The following HAPLN1 variants were observed in gnomAD, a reference collection of about 807,000 sequenced individuals.
HAPLN1 encodes Cartilage link protein.
Under a neutral mutation model 36.5 loss-of-function variants are expected in HAPLN1, and 13 were observed. The observed-to-expected ratio is 0.36, with a 90% CI of 0.23 to 0.57. HAPLN1 has a LOEUF of 0.57. Ranked by LOEUF, HAPLN1 falls within the 20% of genes least tolerant of loss-of-function variation. HAPLN1 has a pLI of 0.83. For synonymous variants in HAPLN1, 202 were observed against 169.8 expected (o/e 1.19, Z -1.48); for missense variants, 407 against 439.7 (o/e 0.93, Z 0.66).
chr5:83,702,956 C>T (rs1486894434), intron 1 of HAPLN1, among the ~76,000 whole-genome samples: 1 of 152,160 alleles, frequency 6.6e-6, no homozygotes, highest in Non-Finnish European at 1.5e-5. Flanking sequence ...AAGAGATATG[C>T]CTGCTTCAGC....
Position 83,701,791 on chromosome 5 carries a change from T to C in HAPLN1, c.-27+18998A>G, listed in dbSNP as rs1210429990. The stretch of plus-strand genomic sequence containing the variant: ...CGTCTCTACTAAAAGTACAAAAAAT[T>C]AGCCAGATGCAGTGGTCCCAGCTGC... On this transcript the variant is annotated intron_variant, in intron 1 of 4. Coordinates refer to ENST00000274341, the MANE Select transcript of HAPLN1 (RefSeq NM_001884.4). Among the ~76,000 whole-genome samples the C allele has an allele frequency of 4.6e-5, 7 of 152,006 alleles. No individual in the cohort carries two copies. The East Asian group carries it at 7.8e-4, about 17-fold the overall frequency.
chr5:83,680,658 C>T (rs900102185), intron 1 of HAPLN1, among the ~76,000 whole-genome samples: 1 of 152,114 alleles, frequency 6.6e-6, no homozygotes, highest in Non-Finnish European at 1.5e-5. Context: ...AACGTCTTAT[C>T]TTCCCCTGTG....
intron 1 of HAPLN1, among the ~76,000 whole-genome samples, chr5:83,680,406 A>C (rs1750971248): frequency 6.6e-6 from 1 of 152,200 alleles, no homozygotes; most frequent in Non-Finnish European, 1.5e-5. Context: ...TGCAGGGACC[A>C]CATATTTCTT....
intron 2 of HAPLN1, among the ~76,000 whole-genome samples, chr5:83,657,513 C>G (rs1029249935): frequency 7.2e-5 from 11 of 152,120 alleles, no homozygotes; most frequent in Admixed American, 2.0e-4. Context: ...TGGAGAAAGA[C>G]AGGGATGATC....
At chr5:83,659,775 C>T (rs764950256) in intron 2 of HAPLN1, among the ~76,000 whole-genome samples, 2 of 152,034 alleles carry the variant, frequency 1.3e-5, no homozygotes, top group African/African-American at 2.4e-5. Context: ...GTATTTAAAA[C>T]ACGAAATACA....
Position 83,644,396 on chromosome 5 carries a change from A to C in HAPLN1, c.742T>G (p.Tyr248Asp), listed in dbSNP as rs372431359. Residue 248 changes from tyrosine (Y) to aspartate (D), a missense_variant, in exon 4 of 5, where the codon TAT (tyrosine) becomes GAT (aspartate). Coordinates refer to ENST00000274341, the MANE Select transcript of HAPLN1 (RefSeq NM_001884.4). ...YGFWDKDKSR[Y>D]DVFCFTSNFN... ...TTGGATGTAAAACAGAAAACATCAT[A>C]TCTGCTTTTATCTTTATCCCAAAAT... The C allele has an allele frequency of 1.2e-5, 19 of 1,589,256 alleles. No homozygotes were observed. Among genetic ancestry groups the C allele is most frequent in the Non-Finnish European group, 1.5e-5 (18 of 1,170,284 alleles).
intron 1 of HAPLN1, 40 bp downstream of exon 1, chr5:83,720,749 G>T (rs1302466780): frequency 1.3e-5 from 2 of 152,136 alleles, no homozygotes; most frequent in Non-Finnish European, 2.9e-5. Flanking sequence ...AAGGCACAAA[G>T]GTATAACCAA....
Position 83,661,435 on chromosome 5 carries a change from C to CTTTTTTTTTTT in HAPLN1, c.101-8622_101-8612dup, listed in dbSNP as rs56005008. Among the ~76,000 whole-genome samples, 34 of 62,978 alleles carry CTTTTTTTTTTT rather than the reference C, an allele frequency of 5.4e-4. 5 individuals carry two copies. Among genetic ancestry groups the CTTTTTTTTTTT allele is most frequent in the African/African-American group, 2.2e-3 (32 of 14,852 alleles). The allele number at this position is 62,978 out of a possible 152,430, so 41.3% of individuals were successfully genotyped here. On this transcript the variant is annotated intron_variant, in intron 2 of 4. Coordinates refer to ENST00000274341, the MANE Select transcript of HAPLN1 (RefSeq NM_001884.4). ...CAATGGTGGTCTGTGAGAAAAGCTT[C>CTTTTTTTTTTT]TTTTTTTTTTTTTTTTTTTTTTTTT...
intron 3 of HAPLN1, among the ~76,000 whole-genome samples, chr5:83,650,432 T>TG (rs11437789): frequency 0.66 from 100,637 of 151,922 alleles, 34,456 homozygotes; most frequent in African/African-American, 0.84. Flanking sequence ...GATTGTTGAA[T>TG]GAAAGAGCAA....
intron 1 of HAPLN1, among the ~76,000 whole-genome samples, chr5:83,690,678 G>A (rs1422586972): frequency 6.6e-6 from 1 of 151,676 alleles, no homozygotes; most frequent in Non-Finnish European, 1.5e-5. Flanking sequence ...GCTAATTTAT[G>A]AATTTGCGCA....
chr5:83,660,874 A>G (rs914627531), intron 2 of HAPLN1, among the ~76,000 whole-genome samples: 1 of 152,186 alleles, frequency 6.6e-6, no homozygotes, highest in African/African-American at 2.4e-5. Flanking sequence ...TAAAGGAAGT[A>G]ATTCACATTG....
chr5:83,714,325 A>G (rs1223795702), intron 1 of HAPLN1, among the ~76,000 whole-genome samples: 1 of 152,220 alleles, frequency 6.6e-6, no homozygotes, highest in Non-Finnish European at 1.5e-5. Context: ...AGCTTACAAG[A>G]GCACCAAACG....
chr5:83,684,242 G>A (rs749057046), intron 1 of HAPLN1, among the ~76,000 whole-genome samples: 1 of 152,054 alleles, frequency 6.6e-6, no homozygotes, highest in Non-Finnish European at 1.5e-5. Context: ...TATGTACTGT[G>A]CCAAATGAAG....
At chr5:83,669,117 T>G (rs1048300285) in intron 2 of HAPLN1, among the ~76,000 whole-genome samples, 1 of 152,228 alleles carries the variant, frequency 6.6e-6, no homozygotes, top group Admixed American at 6.5e-5. Flanking sequence ...GGATCTGTGC[T>G]CACATAGTAA....
intron 1 of HAPLN1, among the ~76,000 whole-genome samples, chr5:83,702,691 C>A (rs900405033): frequency 2.6e-5 from 4 of 152,174 alleles, no homozygotes; most frequent in African/African-American, 4.8e-5. Context: ...TGTCTAGTGT[C>A]TTTTGTTTCT....
At chr5:83,660,919 C>T (rs570424728) in intron 2 of HAPLN1, among the ~76,000 whole-genome samples, 1 of 152,192 alleles carries the variant, frequency 6.6e-6, no homozygotes, top group East Asian at 1.9e-4. Flanking sequence ...ATAGTGAGTG[C>T]CCAGCTGGTG....
At chr5:83,690,757 A>G (rs2112619663) in intron 1 of HAPLN1, among the ~76,000 whole-genome samples, 1 of 152,164 alleles carries the variant, frequency 6.6e-6, no homozygotes, top group Admixed American at 6.6e-5. Context: ...AGACATTGAA[A>G]ACTATTTATA....
intron 2 of HAPLN1, among the ~76,000 whole-genome samples, chr5:83,667,407 C>T (rs1039838042): frequency 6.6e-6 from 1 of 151,798 alleles, no homozygotes; most frequent in African/African-American, 2.4e-5. Context: ...TTTATAATTC[C>T]ACGATGGAAT....
chr5:83,696,219 C>T (rs1751386483), intron 1 of HAPLN1, among the ~76,000 whole-genome samples: 1 of 151,980 alleles, frequency 6.6e-6, no homozygotes, highest in Admixed American at 6.6e-5. Context: ...GCAAATTGTA[C>T]TCTGAAAGTT....
Sources: gnomAD v4.1 joint callset for allele counts (sites outside exome capture counted in the v4.1 genomes callset) on GRCh38, gnomAD v4.1.1 for gene constraint, MANE v1.5 for transcripts, NCBI Gene and HGNC (gene_info 2026-07-23, HGNC 2026-07-21) for gene names.